Variants in GABRB3 observed in about 807,000 individuals in gnomAD.
GABRB3 encodes the protein gamma-aminobutyric acid type A receptor subunit beta3, also known as gamma-aminobutyric acid receptor subunit beta-3.
In GABRB3, 14 loss-of-function variants were observed where a neutral mutation model predicts 52.1. The ratio of observed to expected loss-of-function variants is 0.27; its 90% CI spans 0.18 to 0.42. GABRB3 has a LOEUF of 0.42. Ranked by LOEUF, GABRB3 falls within the 10% of genes least tolerant of loss-of-function variation. GABRB3 has a pLI of 1.00. For synonymous variants in GABRB3, 260 were observed against 232.3 expected, an observed-to-expected ratio of 1.12 and a Z score of -1.08; for missense variants, 307 against 609.1, an observed-to-expected ratio of 0.50 and a Z score of 5.22.
chr15:26,569,105 C>T (rs1358280347), intron 6 of GABRB3, among the ~76,000 whole-genome samples: 1 of 152,160 alleles, frequency 6.6e-6, no homozygotes, highest in African/African-American at 2.4e-5. Context: ...TCTCCTCCTG[C>T]CCCTAAATAT....
chr15:26,758,127 C>A (rs968093960), intron 3 of GABRB3, among the ~76,000 whole-genome samples: 1 of 150,052 alleles, frequency 6.7e-6, no homozygotes, highest in African/African-American at 2.4e-5. Flanking sequence ...TAGAAACATT[C>A]ACGCTTTTGT....
At position 26,622,829 on chromosome 15, in the gene GABRB3, G is replaced by A. The variant is rs575725638; in HGVS notation, c.241-1295C>T. ...GCCACAAGAAGGGGAAACAAAACCAGCTTGTACTATATCACTGTAAACAAA... is the reference window on the plus strand; with the variant it reads ...GCCACAAGAAGGGGAAACAAAACCAACTTGTACTATATCACTGTAAACAAA... On this transcript the variant is annotated intron_variant, in intron 3 of 8. Transcript: ENST00000311550. Among the ~76,000 whole-genome samples, 16 of 152,258 alleles carry A rather than the reference G, an allele frequency of 1.1e-4. No homozygotes were observed. In the South Asian group the frequency reaches 3.3e-3, roughly 32 times the overall value.
At chr15:26,622,438 A>G (rs1021948757) in intron 3 of GABRB3, among the ~76,000 whole-genome samples, 4 of 152,242 alleles carry the variant, frequency 2.6e-5, no homozygotes, top group African/African-American at 4.8e-5. Context: ...TGATATTCAC[A>G]GGACATTTTG....
chr15:26,579,876 C>T (rs1231461345), intron 6 of GABRB3, among the ~76,000 whole-genome samples: 1 of 152,064 alleles, frequency 6.6e-6, no homozygotes, highest in East Asian at 1.9e-4. Context: ...CTGGAGGTGG[C>T]GCAAGTTCCT....
At chr15:26,723,964 G>A (rs1370821055) in intron 3 of GABRB3, among the ~76,000 whole-genome samples, 1 of 152,152 alleles carries the variant, frequency 6.6e-6, no homozygotes, top group Non-Finnish European at 1.5e-5. Context: ...CAAGGAATGG[G>A]CACATTCCTC....
intron 3 of GABRB3, among the ~76,000 whole-genome samples, chr15:26,734,871 G>A (rs1034069229): frequency 6.7e-6 from 1 of 149,820 alleles, no homozygotes; most frequent in East Asian, 2.0e-4. Context: ...AGCTGTGATT[G>A]TGCCACTGCA....
chr15:26,556,655 A>G (rs1376054950), intron 8 of GABRB3, among the ~76,000 whole-genome samples: 7 of 152,042 alleles, frequency 4.6e-5, no homozygotes, highest in African/African-American at 1.7e-4. Context: ...TAGTCTGGGG[A>G]GATACTAAGT....
At chr15:26,607,997 A>G (rs150254406) in intron 4 of GABRB3, among the ~76,000 whole-genome samples, 111 of 152,136 alleles carry the variant, frequency 7.3e-4, no homozygotes, top group African/African-American at 2.5e-3. Context: ...AAAAACCCAA[A>G]ATAGCTAAAG....
At chr15:26,569,822 A>T (rs1477402524) in intron 6 of GABRB3, among the ~76,000 whole-genome samples, 2 of 152,244 alleles carry the variant, frequency 1.3e-5, no homozygotes, top group Non-Finnish European at 2.9e-5. Context: ...GTTTTTGCTA[A>T]ATCCCTTGGG....
intron 3 of GABRB3, among the ~76,000 whole-genome samples, chr15:26,758,970 T>A (rs1459444410): frequency 1.3e-5 from 2 of 152,266 alleles, no homozygotes; most frequent in Non-Finnish European, 2.9e-5. Context: ...TTGGAAATTG[T>A]TTGTGGGGGT....
chr15:26,665,931 G>A (rs193090293), intron 3 of GABRB3, among the ~76,000 whole-genome samples: 8 of 152,298 alleles, frequency 5.3e-5, no homozygotes, highest in Non-Finnish European at 7.4e-5. Context: ...GAAATGGCAC[G>A]TGTGGTAAGC....
At chr15:26,713,220 C>T (rs1358863819) in intron 3 of GABRB3, among the ~76,000 whole-genome samples, 3 of 152,304 alleles carry the variant, frequency 2.0e-5, no homozygotes, top group East Asian at 1.9e-4. Context: ...GGAAAGGTGT[C>T]CCAGGAGGCC....
intron 3 of GABRB3, among the ~76,000 whole-genome samples, chr15:26,725,450 T>C (rs1168821413): frequency 1.3e-5 from 2 of 152,188 alleles, no homozygotes; most frequent in African/African-American, 2.4e-5. Context: ...TGCATCATCC[T>C]CCACACACCA....
chr15:26,560,995 C>T lies in GABRB3; in HGVS notation c.1017G>A (p.Gln339=). The change falls in exon 8 of 9, where the codon CAG becomes CAA. Residue 339 remains glutamine (Q), a synonymous_variant. Transcript: ENST00000311550. ...YIFFGRGPQR[Q]KKLAEKTAKA... The stretch of plus-strand genomic sequence containing the variant: ...TGGCTGTCTTTTCTGCAAGCTTCTT[C>T]TGCCTTTGAGGGCCTCTTCCAAAGA... 6.2e-7 allele frequency: 1 copy of T among 1,614,208 alleles called. No individual in the cohort carries two copies. The highest frequency in any genetic ancestry group is 8.5e-7 in the Non-Finnish European group (1 of 1,180,034).
chr15:26,730,806 A>G (rs1889891412), intron 3 of GABRB3, among the ~76,000 whole-genome samples: 1 of 152,234 alleles, frequency 6.6e-6, no homozygotes, highest in South Asian at 2.1e-4. Context: ...GAATTGCTCA[A>G]TCCAAATACA....
At chr15:26,686,118 T>C (rs1287197181) in intron 3 of GABRB3, among the ~76,000 whole-genome samples, 1 of 152,148 alleles carries the variant, frequency 6.6e-6, no homozygotes, top group Non-Finnish European at 1.5e-5. Context: ...AATTTTTTTA[T>C]TTTTTGTAGA....
At chr15:26,658,229 A>G (rs1244945535) in intron 3 of GABRB3, among the ~76,000 whole-genome samples, 1 of 152,142 alleles carries the variant, frequency 6.6e-6, no homozygotes, top group Non-Finnish European at 1.5e-5. Flanking sequence ...ACTAGTCAGC[A>G]TTCCCCAGCC....
In GABRB3 at chr15:26,710,162, G is replaced by A. The variant is rs372406169; in HGVS notation, c.240+62240C>T. On this transcript the variant is annotated intron_variant, in intron 3 of 8. Transcript: ENST00000311550. Reference sequence around the variant, plus strand: ...ACATGGTACAGATAGGCCATATTTTGTTTATTCATTCAACAGTTGAACACT... The same window carrying A: ...ACATGGTACAGATAGGCCATATTTTATTTATTCATTCAACAGTTGAACACT... 4.5e-4 allele frequency among the ~76,000 whole-genome samples: 69 copies of A among 152,232 alleles called. No individual in the cohort carries two copies. The South Asian group carries it at 0.012, about 27-fold the overall frequency.
intron 5 of GABRB3, 98 bp from the exon 6 acceptor site, chr15:26,580,554 T>C: frequency 2.0e-6 from 3 of 1,487,648 alleles, no homozygotes; most frequent in Middle Eastern, 1.7e-4. Flanking sequence ...GGCTCTGCTA[T>C]GTTTTGAGTA....
Sources: gnomAD v4.1 joint callset for allele counts (sites outside exome capture counted in the v4.1 genomes callset) on GRCh38, gnomAD v4.1.1 for gene constraint, MANE v1.5 for transcripts, NCBI Gene and HGNC (gene_info 2026-07-23, HGNC 2026-07-21) for gene names.